RTKN2: variants seen among roughly 807,000 people sequenced by gnomAD.
RTKN2 encodes rhotekin 2, also known as rhotekin-2.
In RTKN2, 69 loss-of-function variants were observed where a neutral mutation model predicts 71.5. The ratio of observed to expected loss-of-function variants is 0.96; its 90% CI spans 0.79 to 1.18. The LOEUF (loss-of-function observed/expected upper bound fraction) is 1.18. Among genes scored for constraint, RTKN2 ranks in the 50% most tolerant of loss-of-function variants. The probability of loss-of-function intolerance (pLI) is 0.00; values close to 1 mark genes in which losing one functional copy is unlikely to be tolerated. For missense variants in RTKN2, 724 were observed against 719.7 expected, an observed-to-expected ratio of 1.01 and a Z score of -0.07; for synonymous variants, 236 against 236.5, an observed-to-expected ratio of 1.00 and a Z score of 0.02.
At position 62,197,899 on chromosome 10, in the gene RTKN2, A is replaced by C; in HGVS notation, c.*9T>G. On this transcript the variant is annotated 3_prime_UTR_variant, in exon 12 of 12. Coordinates refer to ENST00000373789, the MANE Select transcript of RTKN2 (RefSeq NM_145307.4). ...AGATTTTGTTAAATGTTTTATCATT[A>C]AGAGTTTTCTATACTTGTGCCTGCA... 1 of 1,595,004 alleles carries C rather than the reference A, an allele frequency of 6.3e-7. No individual in the cohort carries two copies. The highest frequency in any genetic ancestry group is 8.5e-7 in the Non-Finnish European group (1 of 1,172,424).
intron 2 of RTKN2, among the ~76,000 whole-genome samples, chr10:62,250,919 CT>C (rs1416088659): frequency 6.6e-6 from 1 of 152,236 alleles, no homozygotes; most frequent in East Asian, 1.9e-4. Flanking sequence ...TCATGAGCCA[CT>C]GTGCCTGGCC....
At position 62,194,410 on chromosome 10, in the gene RTKN2, T is replaced by G. The variant is rs915396494; in HGVS notation, c.*3498A>C. The stretch of plus-strand genomic sequence containing the variant: ...AAAATGTCAACTTTACATTATAATT[T>G]AAGACTAACAGTGAAGATGGCTACT... On this transcript the variant is annotated 3_prime_UTR_variant, in exon 12 of 12. Coordinates refer to ENST00000373789, the MANE Select transcript of RTKN2 (RefSeq NM_145307.4). The G allele has an allele frequency of 4.1e-5, 40 of 980,788 alleles. No individual in the cohort carries two copies. The highest frequency in any genetic ancestry group is 4.8e-5 in the Non-Finnish European group (40 of 825,800). The allele number at this position is 980,788 out of a possible 1,614,324, so 60.8% of individuals were successfully genotyped here.
chr10:62,213,547 A>G (rs1189442957), intron 9 of RTKN2, among the ~76,000 whole-genome samples: 2 of 152,150 alleles, frequency 1.3e-5, no homozygotes, highest in East Asian at 3.8e-4. Flanking sequence ...TATGGACTGA[A>G]TATTAGGTGA....
intron 10 of RTKN2, 95 bp downstream of exon 10, chr10:62,204,762 T>C: frequency 1.1e-6 from 1 of 893,524 alleles, no homozygotes; most frequent in Non-Finnish European, 1.6e-6. Flanking sequence ...AAAAAATTTT[T>C]GCTACAAACT....
chr10:62,262,795 GTC>G lies in RTKN2; in HGVS notation c.85_86del (p.Asp29LeufsTer27). On this transcript the variant is annotated frameshift_variant, in exon 2 of 12. Coordinates refer to ENST00000373789, the MANE Select transcript of RTKN2 (RefSeq NM_145307.4). LOFTEE classifies it high-confidence loss of function. ...QQDCNIQEKI[D>X]LEIRMREGIW... Reference sequence around the variant, plus strand: ...TTCCTTCTCGCATTCGAATTTCTAAGTCTATTTTTTCTTGAATGTTGCAGTCC... The same window carrying G: ...TTCCTTCTCGCATTCGAATTTCTAAGTATTTTTTCTTGAATGTTGCAGTCC... The G allele has an allele frequency of 6.2e-7, 1 of 1,607,670 alleles. No homozygotes were observed. Among genetic ancestry groups the G allele is most frequent in the Non-Finnish European group, 8.5e-7 (1 of 1,177,654 alleles).
intron 9 of RTKN2, among the ~76,000 whole-genome samples, chr10:62,212,080 A>T (rs1180349018): frequency 3.4e-5 from 5 of 146,974 alleles, no homozygotes; most frequent in Non-Finnish European, 7.4e-5. Flanking sequence ...ACCCTGGGCA[A>T]CATGGTGAAA....
chr10:62,208,068 G>C (rs1334102581), intron 9 of RTKN2, among the ~76,000 whole-genome samples: 1 of 151,382 alleles, frequency 6.6e-6, no homozygotes, highest in Non-Finnish European at 1.5e-5. Context: ...TTGTTACCTA[G>C]AGAATGCCAA....
downstream of RTKN2, among the ~76,000 whole-genome samples, chr10:62,189,530 T>C (rs545517963): frequency 2.0e-5 from 3 of 152,180 alleles, 1 homozygote; most frequent in Middle Eastern, 6.8e-3. Context: ...CAATAGCCTA[T>C]CAATAAATTC....
Position 62,194,141 on chromosome 10 carries a change from A to G in RTKN2, c.*3767T>C. On this transcript the variant is annotated 3_prime_UTR_variant, in exon 12 of 12. Transcript: ENST00000373789. Reference sequence around the variant, plus strand: ...AAAGTCTGACCCATATTAAAAAATAAAAATTATAAACAAAGCCAATTACAC... The same window carrying G: ...AAAGTCTGACCCATATTAAAAAATAGAAATTATAAACAAAGCCAATTACAC... 1.0e-6 allele frequency: 1 copy of G among 977,930 alleles called. No individual in the cohort carries two copies. The highest frequency in any genetic ancestry group is 1.2e-6 in the Non-Finnish European group (1 of 823,112). The allele number at this position is 977,930 out of a possible 1,614,324, so 60.6% of individuals were successfully genotyped here.
At chr10:62,215,057 A>G (rs1212118587) in intron 9 of RTKN2, 2 of 1,519,508 alleles carry the variant, frequency 1.3e-6, no homozygotes, top group Non-Finnish European at 1.8e-6. Context: ...GGCGAGTTGA[A>G]TTCCTTCGAG....
intron 3 of RTKN2, among the ~76,000 whole-genome samples, chr10:62,244,339 A>G (rs918035881): frequency 6.6e-6 from 1 of 152,224 alleles, no homozygotes; most frequent in Non-Finnish European, 1.5e-5. Context: ...GGAAAGAAGA[A>G]ACACATGCAG....
chr10:62,219,325 G>A (rs1358259740), intron 7 of RTKN2, among the ~76,000 whole-genome samples: 5 of 152,172 alleles, frequency 3.3e-5, no homozygotes, highest in Admixed American at 3.3e-4. Flanking sequence ...ATATGCCTGG[G>A]AAGAGGAGCC....
intron 8 of RTKN2, among the ~76,000 whole-genome samples, chr10:62,187,682 C>T (rs1483259606): frequency 6.6e-6 from 1 of 152,152 alleles, no homozygotes; most frequent in Non-Finnish European, 1.5e-5. Context: ...GTGATTCTCT[C>T]AGCATACTTA....
rs540478416 is a variant in RTKN2 at position 62,223,586 on chromosome 10, T to C, written c.687-254A>G. Among the ~76,000 whole-genome samples, 4 of 152,232 alleles carry C rather than the reference T, an allele frequency of 2.6e-5. No homozygotes were observed. The South Asian group carries it at 8.3e-4, about 32-fold the overall frequency. On this transcript the variant is annotated intron_variant, in intron 6 of 11. Coordinates refer to ENST00000373789, the MANE Select transcript of RTKN2 (RefSeq NM_145307.4). Reference sequence around the variant, plus strand: ...AAACATAAAAAGATGCTCAGTATCATCAGTCATTGGGGAAATGTAAATCAA... The same window carrying C: ...AAACATAAAAAGATGCTCAGTATCACCAGTCATTGGGGAAATGTAAATCAA...
chr10:62,239,684 G>A lies in RTKN2; in HGVS notation c.452C>T (p.Thr151Ile), dbSNP rs748931182. ...FDTDVVNVDK[T>I]ITDICFENVT... ...ATTTTCAAAACATATATCTGTGATT[G>A]TTTTATCCACATTCACCACATCAGT... Residue 151 changes from threonine (T) to isoleucine (I), a missense_variant, in exon 5 of 12, where the codon ACA (threonine) becomes ATA (isoleucine). By Grantham distance (89) the Thr-to-Ile change is moderately conservative. Transcript: ENST00000373789. 1.3e-6 allele frequency: 2 copies of A among 1,558,168 alleles called. No homozygotes were observed. Among genetic ancestry groups the A allele is most frequent in the Admixed American group, 1.7e-5 (1 of 57,366 alleles).
intron 7 of RTKN2, 86 bp from the exon 8 acceptor site, chr10:62,218,387 T>G (rs1841826518): frequency 1.1e-6 from 1 of 927,182 alleles, no homozygotes; most frequent in Non-Finnish European, 1.6e-6. Flanking sequence ...TTTCTCTTTT[T>G]ACAATTTTGT....
At chr10:62,250,300 A>T (rs1156492296) in intron 2 of RTKN2, among the ~76,000 whole-genome samples, 1 of 152,232 alleles carries the variant, frequency 6.6e-6, no homozygotes, top group African/African-American at 2.4e-5. Flanking sequence ...TAAGATACAC[A>T]AGAATGAGTG....
rs369483149 is a variant in RTKN2, at chr10:62,198,207, T to C, written c.1531A>G (p.Lys511Glu). Residue 511 changes from lysine to glutamate, a missense_variant, in exon 12 of 12, where the codon AAA (lysine) becomes GAA (glutamate). Coordinates refer to ENST00000373789, the MANE Select transcript of RTKN2 (RefSeq NM_145307.4). ...KRQAPLPPSD[K>E]LPFSLKSQSN... ...TGTGATTTTAAGCTGAATGGAAGTT[T>C]ATCAGAAGGAGGAAGGGGAGCTTGT... 3 of 1,613,970 alleles carry C rather than the reference T, an allele frequency of 1.9e-6. No homozygotes were observed. The African/African-American group carries it at 4.0e-5, about 22-fold the overall frequency.
Position 62,268,569 on chromosome 10 carries a change from C to T in RTKN2, c.42G>A (p.Ala14=), listed in dbSNP as rs372889042. 6.5e-4 allele frequency: 1,014 copies of T among 1,564,926 alleles called. No homozygotes were observed. Among genetic ancestry groups the T allele is most frequent in the Non-Finnish European group, 8.0e-4 (927 of 1,154,672 alleles). ...PSLRGPALRL[A]GLPTQQDCNI... is the part of the protein sequence containing the mutation. ...AACTCACCTGCTGGGTGGGAAGCCC[C>T]GCCAGGCGGAGCGCAGGACCCCTCA... Residue 14 remains alanine, a synonymous_variant, in exon 1 of 12, where the codon GCG becomes GCA. Coordinates refer to ENST00000373789, the MANE Select transcript of RTKN2 (RefSeq NM_145307.4).
Sources: gnomAD v4.1 joint callset for allele counts (sites outside exome capture counted in the v4.1 genomes callset) on GRCh38, gnomAD v4.1.1 for gene constraint, MANE v1.5 for transcripts, NCBI Gene and HGNC (gene_info 2026-07-23, HGNC 2026-07-21) for gene names.